RGS3: variants seen among roughly 807,000 people sequenced by gnomAD.
RGS3 encodes regulator of G-protein signalling 3.
A neutral mutation model predicts 132.6 loss-of-function variants in RGS3; 80 were observed. That is an observed-to-expected ratio of 0.60 (90% CI 0.50 to 0.73). The LOEUF is 0.73. Ranked by LOEUF, RGS3 falls within the 30% of genes least tolerant of loss-of-function variation. The pLI is 0.00. For synonymous variants in RGS3, 598 were observed against 620.6 expected (o/e 0.96, Z 0.54); for missense variants, 1,382 against 1,530.8 (o/e 0.90, Z 1.62).
In RGS3 at chr9:113,582,255, C is replaced by T. The variant is rs1834860291; in HGVS notation, c.2038-1195C>T. 4.2e-6 allele frequency: 4 copies of T among 951,274 alleles called. No individual in the cohort carries two copies. In the African/African-American group the frequency reaches 7.1e-5, roughly 17 times the overall value. 58.9% of individuals were successfully genotyped at this position (951,274 alleles called of 1,614,324 possible). A position where few individuals can be genotyped will look rare whatever the true frequency, so the allele number is the denominator to read the frequency against. Reference sequence around the variant, plus strand: ...TGTACAATAGTGGGTAAGTCACCGGCCTTTGGGCTCAGTTTTCTCATCCAT... The same window carrying T: ...TGTACAATAGTGGGTAAGTCACCGGTCTTTGGGCTCAGTTTTCTCATCCAT... On this transcript the variant is annotated intron_variant, in intron 19 of 24. Transcript: ENST00000350696.
At chr9:113,455,061 T>A (rs1331481913) in intron 1 of RGS3, among the ~76,000 whole-genome samples, 2 of 152,126 alleles carry the variant, frequency 1.3e-5, no homozygotes, top group Non-Finnish European at 2.9e-5. Flanking sequence ...CCCGAACTTC[T>A]CAGTTCAGGG....
intron 3 of RGS3, among the ~76,000 whole-genome samples, chr9:113,475,114 CA>C (rs1160887692): frequency 7.2e-5 from 11 of 152,318 alleles, no homozygotes; most frequent in African/African-American, 2.4e-4. Context: ...AGCTCATTCC[CA>C]TCCAGTATTT....
chr9:113,520,771 T>G (rs928822788), intron 16 of RGS3, among the ~76,000 whole-genome samples: 3 of 152,064 alleles, frequency 2.0e-5, no homozygotes, highest in Admixed American at 2.0e-4. Flanking sequence ...ATTCCTTGAC[T>G]CCTTCTGAGC....
At position 113,447,848 on chromosome 9, in the gene RGS3, CTT is replaced by C. The variant is rs1350413411; in HGVS notation, c.-13+2939_-13+2940del. ...TCTGGATTATTGCATTACCCCTAGT[CTT>C]TTTTTTTTTTTTTTTTTGAGACAGG... On this transcript the variant is annotated intron_variant, in intron 1 of 25. Transcript: ENST00000374140. Among the ~76,000 whole-genome samples the C allele has an allele frequency of 9.4e-3, 1,218 of 129,372 alleles. 5 individuals carry two copies. The highest frequency in any genetic ancestry group is 0.03 in the African/African-American group (1,045 of 34,878). The allele number at this position is 129,372 out of a possible 152,430, so 84.9% of individuals were successfully genotyped here. A position where few individuals can be genotyped will look rare whatever the true frequency, so the allele number is the denominator to read the frequency against.
At position 113,492,279 on chromosome 9, in the gene RGS3, C is replaced by T. The variant is rs954537634; in HGVS notation, c.690-3507C>T. 3.7e-4 allele frequency among the ~76,000 whole-genome samples: 56 copies of T among 152,114 alleles called. 3 individuals are homozygous for T. Among genetic ancestry groups the T allele is most frequent in the African/African-American group, 4.8e-5 (2 of 41,424 alleles). On this transcript the variant is annotated intron_variant, in intron 7 of 24. Transcript: ENST00000350696. ...TGAAGTTACTTCAAAGCCTTTGTAA[C>T]GGCTGTTCCCTCTGCCCAAAATGCT...
At chr9:113,503,184 G>A (rs764226608) in intron 10 of RGS3, among the ~76,000 whole-genome samples, 3 of 152,214 alleles carry the variant, frequency 2.0e-5, no homozygotes, top group East Asian at 1.9e-4. Flanking sequence ...GTCAGAAGCC[G>A]CCAAGGCCTC....
At position 113,517,606 on chromosome 9, in the gene RGS3, G is replaced by A. The variant is rs139327063; in HGVS notation, c.1740G>A (p.Gly580=). The change falls in exon 16 of 25, where the codon GGG becomes GGA. Residue 580 remains glycine (G), a synonymous_variant. Transcript: ENST00000350696. ...CAGAGGAGCTGCTGCTGTATGAAGG[G>A]AGGAACAAGGCTGCCGAGGTAAGAC... 1.3e-3 allele frequency: 2,033 copies of A among 1,613,634 alleles called. 2 individuals carry two copies. Among genetic ancestry groups the A allele is most frequent in the Admixed American group, 2.3e-3 (139 of 59,994 alleles).
chr9:113,505,523 G>A (rs770755851), exon 11 of RGS3: 4 of 1,613,674 alleles, frequency 2.5e-6, no homozygotes, highest in South Asian at 1.1e-5. Flanking sequence ...CGTGGATTCC[G>A]GTAAGTTATT....
chr9:113,477,051 C>T (rs1830014769), intron 3 of RGS3, among the ~76,000 whole-genome samples: 2 of 152,186 alleles, frequency 1.3e-5, no homozygotes, highest in Non-Finnish European at 2.9e-5. Flanking sequence ...TCTCCCACCC[C>T]ACACTAGATT....
At position 113,537,554 on chromosome 9, in the gene RGS3, T is replaced by C. The variant is rs1832732328; in HGVS notation, c.2037+636T>C. Among the ~76,000 whole-genome samples the C allele has an allele frequency of 6.6e-6, 1 of 152,212 alleles. No homozygotes were observed. The highest frequency in any genetic ancestry group is 2.1e-4 in the South Asian group (1 of 4,832). On this transcript the variant is annotated intron_variant, in intron 19 of 24. Coordinates refer to ENST00000350696, the Ensembl canonical transcript of RGS3. This position sits in a 1 kb window ranked among gnomAD's most constrained non-coding sequence, Gnocchi z 4.3. ...ACAGCCTTCCCCTTTGACACTCCGA[T>C]GCCAGCCACAAAGTACAGTTATATT...
At chr9:113,490,137 C>A (rs539638405) in intron 7 of RGS3, among the ~76,000 whole-genome samples, 15 of 152,292 alleles carry the variant, frequency 9.8e-5, no homozygotes, top group Non-Finnish European at 1.6e-4. Context: ...GCCTCAATTT[C>A]CTTGTCTGTA....
chr9:113,464,971 T>A (rs144268304), intron 3 of RGS3, among the ~76,000 whole-genome samples: 1 of 152,334 alleles, frequency 6.6e-6, no homozygotes, highest in Non-Finnish European at 1.5e-5. Flanking sequence ...CCTCTGAAAT[T>A]GCCTGACGTC....
At chr9:113,547,177 A>G (rs1833150834) in intron 19 of RGS3, among the ~76,000 whole-genome samples, 1 of 152,118 alleles carries the variant, frequency 6.6e-6, no homozygotes, top group Non-Finnish European at 1.5e-5. Context: ...CAGAGGGGAG[A>G]ATGGGCAGAC....
chr9:113,468,493 A>G (rs1469878812), intron 3 of RGS3, among the ~76,000 whole-genome samples: 3 of 152,138 alleles, frequency 2.0e-5, no homozygotes, highest in African/African-American at 7.2e-5. Context: ...TAAATCCTCC[A>G]ATTTTGTTCT....
chr9:113,576,921 C>A (rs552619337), intron 19 of RGS3, among the ~76,000 whole-genome samples: 2 of 152,336 alleles, frequency 1.3e-5, no homozygotes, highest in South Asian at 4.1e-4. Context: ...AGGGAAGTGG[C>A]AGCAGTGGAC....
At chr9:113,521,091 C>T (rs1405162593) in intron 16 of RGS3, among the ~76,000 whole-genome samples, 3 of 152,268 alleles carry the variant, frequency 2.0e-5, no homozygotes, top group Middle Eastern at 3.4e-3. Context: ...AGAAAGGAAG[C>T]GTTCAACACT....
At chr9:113,540,541 G>A (rs1022584977) in intron 19 of RGS3, among the ~76,000 whole-genome samples, 5 of 152,162 alleles carry the variant, frequency 3.3e-5, no homozygotes, top group South Asian at 2.1e-4. Flanking sequence ...CATCCGTGCC[G>A]TGAGCCTCCT....
At position 113,507,745 on chromosome 9, in the gene RGS3, G is replaced by A. The variant is rs138151260; in HGVS notation, c.1437+107G>A. 6.8e-5 allele frequency: 63 copies of A among 921,308 alleles called. No homozygotes were observed. Among genetic ancestry groups the A allele is most frequent in the Middle Eastern group, 5.8e-4 (2 of 3,420 alleles). The allele number at this position is 921,308 out of a possible 1,614,324, so 57.1% of individuals were successfully genotyped here. On this transcript the variant is annotated intron_variant, in intron 13 of 24. Coordinates refer to ENST00000350696, the Ensembl canonical transcript of RGS3. The surrounding 1 kb of genome is among the most constrained non-coding windows in gnomAD (Gnocchi z 5.0). ...TGATGAGCAGCCTGTGAGGGGCTGC[G>A]ATGTTGGGCAAGGAGATGGGGTATG...
chr9:113,507,611 C>G lies in RGS3; in HGVS notation c.1410C>G (p.Ile470Met). 1 of 1,486,174 alleles carries G rather than the reference C, an allele frequency of 6.7e-7. No homozygotes were observed. The highest frequency in any genetic ancestry group is 1.4e-5 in the South Asian group (1 of 72,850). The allele number at this position is 1,486,174 out of a possible 1,614,324, so 92.1% of individuals were successfully genotyped here. A position where few individuals can be genotyped will look rare whatever the true frequency, so the allele number is the denominator to read the frequency against. Reference sequence around the variant, plus strand: ...CCCCCACCGACCCCAACTACATCATCCTGGCCCCGCTGAATCCTGGGAGCC... The same window carrying G: ...CCCCCACCGACCCCAACTACATCATGCTGGCCCCGCTGAATCCTGGGAGCC... Residue 470 changes from isoleucine (I) to methionine (M), a missense_variant, in exon 13 of 25, where the codon ATC (isoleucine) becomes ATG (methionine). Physicochemically the swap from Ile to Met is conservative, Grantham distance 10. Coordinates refer to ENST00000350696, the Ensembl canonical transcript of RGS3. The surrounding 1 kb of genome is among the most constrained non-coding windows in gnomAD (Gnocchi z 5.0).
Sources: gnomAD v4.1 joint callset for allele counts (sites outside exome capture counted in the v4.1 genomes callset) on GRCh38, gnomAD v4.1.1 for gene constraint, Gnocchi (gnomAD v3.1) non-coding constraint, MANE v1.5 for transcripts, NCBI Gene and HGNC (gene_info 2026-07-23, HGNC 2026-07-21) for gene names.